Variants in RBM47 observed in about 807,000 individuals in gnomAD.
RBM47 encodes the protein RNA-binding protein 47.
A neutral mutation model predicts 47.1 loss-of-function variants in RBM47; 21 were observed. The ratio of observed to expected loss-of-function variants is 0.45; its 90% CI spans 0.32 to 0.64. RBM47 has a LOEUF of 0.64. Ranked by LOEUF, RBM47 falls within the 30% of genes least tolerant of loss-of-function variation. RBM47 has a pLI of 0.05. For synonymous variants in RBM47, 375 were observed against 361.7 expected, an observed-to-expected ratio of 1.04 and a Z score of -0.42; for missense variants, 708 against 870.9, an observed-to-expected ratio of 0.81 and a Z score of 2.35.
At chr4:40,555,258 G>A (rs1413626650) in intron 1 of RBM47, among the ~76,000 whole-genome samples, 2 of 152,126 alleles carry the variant, frequency 1.3e-5, no homozygotes, top group African/African-American at 4.8e-5. Flanking sequence ...AATAGAGACG[G>A]GATTTTGCCA....
chr4:40,552,899 C>T (rs537903860), intron 1 of RBM47, among the ~76,000 whole-genome samples: 1 of 152,236 alleles, frequency 6.6e-6, no homozygotes, highest in Non-Finnish European at 1.5e-5. Context: ...AGCTCTCTCC[C>T]TGACTGAATT....
rs1169387211 is a variant in RBM47 at position 40,423,797 on chromosome 4, TC to T, written c.*2106del. ...TGTAAAATACAGTAAGAATACTGGG[TC>T]ATAGTTTCATCCAGTGAAACTCTGT... is the stretch of plus-strand genomic sequence containing the variant. On this transcript the variant is annotated 3_prime_UTR_variant, in exon 7 of 7. Coordinates refer to ENST00000295971, the MANE Select transcript of RBM47 (RefSeq NM_001098634.2). 6.6e-6 allele frequency: 1 copy of T among 152,418 alleles called. No individual in the cohort carries two copies. Among genetic ancestry groups the T allele is most frequent in the Non-Finnish European group, 1.5e-5 (1 of 68,006 alleles). The allele number at this position is 152,418 out of a possible 1,614,324, so 9.4% of individuals were successfully genotyped here. A position where few individuals can be genotyped will look rare whatever the true frequency, so the allele number is the denominator to read the frequency against.
intron 2 of RBM47, among the ~76,000 whole-genome samples, chr4:40,475,205 CATT>C (rs1442129110): frequency 2.0e-5 from 3 of 152,190 alleles, no homozygotes; most frequent in African/African-American, 2.4e-5. Context: ...GAAATGTCAT[CATT>C]GTCAACCTTT....
intron 1 of RBM47, among the ~76,000 whole-genome samples, chr4:40,552,839 C>T (rs1049046070): frequency 5.9e-5 from 9 of 152,254 alleles, no homozygotes; most frequent in East Asian, 1.9e-4. Flanking sequence ...CACTCACTGT[C>T]GGCCCCACCT....
intron 1 of RBM47, among the ~76,000 whole-genome samples, chr4:40,561,750 A>T (rs1730656162): frequency 6.6e-6 from 1 of 151,544 alleles, no homozygotes; most frequent in Non-Finnish European, 1.5e-5. Context: ...GGGTTTCGTT[A>T]TGTTGCGCAA....
chr4:40,516,877 T>A (rs770939372), intron 2 of RBM47, among the ~76,000 whole-genome samples: 2 of 152,148 alleles, frequency 1.3e-5, no homozygotes, highest in African/African-American at 2.4e-5. Context: ...CCTTCCTCCC[T>A]CAGCACGGGC....
At chr4:40,570,837 T>C (rs566153886) in intron 1 of RBM47, among the ~76,000 whole-genome samples, 1 of 148,812 alleles carries the variant, frequency 6.7e-6, no homozygotes, top group East Asian at 2.0e-4. Flanking sequence ...GGGTAAATGC[T>C]AAAGTTATAT....
chr4:40,430,436 G>A (rs1360437435), intron 6 of RBM47, among the ~76,000 whole-genome samples: 3 of 152,180 alleles, frequency 2.0e-5, no homozygotes, highest in African/African-American at 7.2e-5. Flanking sequence ...AAGTACTGCT[G>A]CTACGCTATA....
chr4:40,526,499 T>C (rs1374190386), intron 2 of RBM47, among the ~76,000 whole-genome samples: 2 of 151,946 alleles, frequency 1.3e-5, no homozygotes, highest in Admixed American at 6.6e-5. Context: ...GTAAATACTA[T>C]AGGCTTTGCA....
At chr4:40,598,794 A>G (rs1734981496) in intron 1 of RBM47, among the ~76,000 whole-genome samples, 1 of 151,266 alleles carries the variant, frequency 6.6e-6, no homozygotes, top group South Asian at 2.1e-4. Context: ...TCCTCTGCTC[A>G]TATGTGTTTA....
At chr4:40,452,205 G>A (rs1015505524) in intron 3 of RBM47, among the ~76,000 whole-genome samples, 2 of 151,984 alleles carry the variant, frequency 1.3e-5, no homozygotes, top group Admixed American at 1.3e-4. Flanking sequence ...AGGAGACAGA[G>A]CAGAGGGAAC....
At chr4:40,471,202 C>G (rs1718809845) in intron 2 of RBM47, among the ~76,000 whole-genome samples, 1 of 152,166 alleles carries the variant, frequency 6.6e-6, no homozygotes, top group African/African-American at 2.4e-5. Flanking sequence ...ACACAACTTT[C>G]TGAGCCTCAG....
chr4:40,596,987 G>A (rs935865369), intron 1 of RBM47, among the ~76,000 whole-genome samples: 8 of 152,126 alleles, frequency 5.3e-5, no homozygotes, highest in Non-Finnish European at 5.9e-5. Context: ...TCGGCCGGGC[G>A]CGATGGCTCA....
intron 2 of RBM47, among the ~76,000 whole-genome samples, chr4:40,471,473 A>G (rs995880331): frequency 5.3e-5 from 8 of 152,082 alleles, no homozygotes; most frequent in Non-Finnish European, 5.9e-5. Context: ...CAAGGTAGAC[A>G]GATCACCTGA....
chr4:40,591,702 A>AAAGAAAAG (rs770208690), intron 1 of RBM47, among the ~76,000 whole-genome samples: 57 of 152,270 alleles, frequency 3.7e-4, no homozygotes, highest in South Asian at 6.2e-4. Context: ...TCAAAAGGAA[A>AAAGAAAAG]AAGAAAAGAA....
chr4:40,504,055 C>T (rs573633699), intron 2 of RBM47, among the ~76,000 whole-genome samples: 1 of 152,020 alleles, frequency 6.6e-6, no homozygotes, highest in African/African-American at 2.4e-5. Flanking sequence ...GGTATACCCT[C>T]TCATTATGGG....
intron 1 of RBM47, among the ~76,000 whole-genome samples, chr4:40,574,129 G>A (rs921309727): frequency 4.6e-5 from 7 of 152,174 alleles, no homozygotes; most frequent in Non-Finnish European, 8.8e-5. Context: ...ATGGTCTTCC[G>A]TTCTGCAGCC....
intron 1 of RBM47, among the ~76,000 whole-genome samples, chr4:40,565,681 G>A (rs1731034984): frequency 6.6e-6 from 1 of 152,168 alleles, no homozygotes; most frequent in Admixed American, 6.6e-5. Flanking sequence ...CTCAGTCAAT[G>A]CTAGTCTCCC....
At position 40,436,611 on chromosome 4, in the gene RBM47, C is replaced by T; in HGVS notation, c.1160G>A (p.Gly387Asp). The T allele has an allele frequency of 6.2e-7, 1 of 1,614,158 alleles. No homozygotes were observed. Among genetic ancestry groups the T allele is most frequent in the Non-Finnish European group, 8.5e-7 (1 of 1,180,028 alleles). Residue 387 changes from glycine (G) to aspartate (D), a missense_variant, in exon 5 of 7, where the codon GGC (glycine) becomes GAC (aspartate). Gly to Asp is a moderately conservative substitution (Grantham distance 94). Transcript: ENST00000295971. ...SIRGRGRGAA[G>D]NRAPGPRGSY... ...ACCCCTAGGCCCTGGGGCTCTGTTG[C>T]CAGCTGCACCTCGCCCTCGGCCTCT...
Sources: gnomAD v4.1 joint callset for allele counts (sites outside exome capture counted in the v4.1 genomes callset) on GRCh38, gnomAD v4.1.1 for gene constraint, MANE v1.5 for transcripts, NCBI Gene and HGNC (gene_info 2026-07-23, HGNC 2026-07-21) for gene names.